Variants in MTUS1 observed in about 807,000 individuals in gnomAD.
The protein encoded by MTUS1 is microtubule associated scaffold protein 1.
A neutral mutation model predicts 120.8 loss-of-function variants in MTUS1; 109 were observed. The observed-to-expected ratio is 0.90, with a 90% confidence interval of 0.77 to 1.06. MTUS1 has a LOEUF of 1.06. MTUS1 is among the 50% of genes least tolerant of loss of function. MTUS1 has a pLI of 0.00. For synonymous variants in MTUS1, 737 were observed against 550.5 expected (o/e 1.34, Z -4.74); for missense variants, 2,210 against 1,486.3 (o/e 1.49, Z -8.01).
At position 17,765,552 on chromosome 8, in the gene MTUS1, C is replaced by G. The variant is rs566702592; in HGVS notation, c.-154-9591G>C. ...GAAGAATCACTTGAACCCAGAGGCA[C>G]AAGTTGCAGTGAGCTGAGATTATGC... On this transcript the variant is annotated intron_variant, in intron 1 of 14. Transcript: ENST00000693296. Among the ~76,000 whole-genome samples, 49 of 145,242 alleles carry G rather than the reference C, an allele frequency of 3.4e-4. No homozygotes were observed. In the Middle Eastern group the frequency reaches 0.011, roughly 33 times the overall value.
chr8:17,782,273 A>C (rs1461985611), intron 1 of MTUS1, among the ~76,000 whole-genome samples: 2 of 152,148 alleles, frequency 1.3e-5, no homozygotes, highest in Non-Finnish European at 2.9e-5. Flanking sequence ...GTCACTTTTC[A>C]AAAAAAGCAC....
chr8:17,727,539 G>A (rs375212088), intron 3 of MTUS1, among the ~76,000 whole-genome samples: 69 of 152,292 alleles, frequency 4.5e-4, no homozygotes, highest in South Asian at 2.1e-3. Context: ...CAACAGTCCC[G>A]ACGTTTAGCT....
rs781301013 is a variant in MTUS1, at chr8:17,645,973, G to T, written c.3766C>A (p.Pro1256Thr). 3.7e-6 allele frequency: 6 copies of T among 1,613,280 alleles called. No individual in the cohort carries two copies. The African/African-American group carries it at 8.0e-5, about 22-fold the overall frequency. The change falls in exon 15 of 15, where the codon CCA (proline) becomes ACA (threonine). Residue 1256 changes from proline (P) to threonine (T), a missense_variant. Coordinates refer to ENST00000693296, the MANE Select transcript of MTUS1 (RefSeq NM_001363059.2). The part of the protein sequence containing the change: ...PTSSAIPLQS[P>T]RNSGSFPSPS... ...CTAGGGAAGGAGCCCGAATTCCTTGGTGACTGCAAAGGGATGGCGGAGGAT... is the reference window on the plus strand; with the variant it reads ...CTAGGGAAGGAGCCCGAATTCCTTGTTGACTGCAAAGGGATGGCGGAGGAT...
Position 17,754,285 on chromosome 8 carries a change from T to C in MTUS1, c.1523A>G (p.Lys508Arg), listed in dbSNP as rs1163794785. Residue 508 changes from lysine to arginine, a missense_variant, in exon 2 of 15, where the codon AAG (lysine) becomes AGG (arginine). Lys to Arg is a conservative substitution (Grantham distance 26). Coordinates refer to ENST00000693296, the MANE Select transcript of MTUS1 (RefSeq NM_001363059.2). ...AGACATAACTTTTGCTTTGACATTC[T>C]TGAAGTTTGGTCTTGGGTAACTTAT... ...EIISYPRPNF[K>R]NVKAKVMSRA... 6.2e-7 allele frequency: 1 copy of C among 1,614,202 alleles called. No individual in the cohort carries two copies. Among genetic ancestry groups the C allele is most frequent in the Non-Finnish European group, 8.5e-7 (1 of 1,180,046 alleles).
chr8:17,667,755 C>T (rs1811202323), intron 8 of MTUS1, among the ~76,000 whole-genome samples: 2 of 152,186 alleles, frequency 1.3e-5, no homozygotes, highest in African/African-American at 4.8e-5. Context: ...ATCTTGGGTT[C>T]TTATGCAAGC....
chr8:17,676,431 C>G (rs768280810), intron 7 of MTUS1: 8 of 675,912 alleles, frequency 1.2e-5, no homozygotes, highest in Admixed American at 2.1e-5. Context: ...ATTCAAAGCT[C>G]TAGCAGGAGG....
intron 1 of MTUS1, among the ~76,000 whole-genome samples, chr8:17,774,342 G>T (rs2050244710): frequency 6.6e-6 from 1 of 152,174 alleles, no homozygotes; most frequent in African/African-American, 2.4e-5. Flanking sequence ...AAACAAAGGT[G>T]TTGCTTTTCC....
intron 6 of MTUS1, among the ~76,000 whole-genome samples, chr8:17,702,965 C>G (rs1016624534): frequency 6.6e-6 from 1 of 152,210 alleles, no homozygotes; most frequent in South Asian, 2.1e-4. Flanking sequence ...ACTTTAATCT[C>G]TTAATCCTGT....
At chr8:17,675,993 T>C (rs746894064) in intron 7 of MTUS1, 22 of 441,458 alleles carry the variant, frequency 5.0e-5, no homozygotes, top group Non-Finnish European at 7.8e-5. Context: ...CTTACACAAA[T>C]ACAGTAATTA....
chr8:17,657,076 A>AT (rs1460285376), intron 8 of MTUS1, among the ~76,000 whole-genome samples: 5 of 150,820 alleles, frequency 3.3e-5, no homozygotes, highest in African/African-American at 1.2e-4. Context: ...AAAAAAAAAA[A>AT]AAAAAGAAAC....
chr8:17,695,069 G>A (rs1817686333), intron 6 of MTUS1, among the ~76,000 whole-genome samples: 1 of 152,098 alleles, frequency 6.6e-6, no homozygotes, highest in Non-Finnish European at 1.5e-5. Context: ...ACCAACCCAA[G>A]TTACTGCTGA....
intron 1 of MTUS1, among the ~76,000 whole-genome samples, chr8:17,769,506 C>T (rs1003335058): frequency 1.3e-5 from 2 of 150,808 alleles, no homozygotes; most frequent in African/African-American, 2.5e-5. Flanking sequence ...CGCCACCACG[C>T]CCAGATAATT....
chr8:17,730,298 A>G (rs1345460106), intron 3 of MTUS1, among the ~76,000 whole-genome samples: 3 of 152,176 alleles, frequency 2.0e-5, no homozygotes, highest in Non-Finnish European at 4.4e-5. Context: ...TCTGGCGAAT[A>G]TGGTGAAACC....
chr8:17,656,515 G>A (rs1808266832), intron 8 of MTUS1, among the ~76,000 whole-genome samples: 1 of 150,076 alleles, frequency 6.7e-6, no homozygotes, highest in Non-Finnish European at 1.5e-5. Context: ...GTGACAGACT[G>A]AGACTCCATC....
chr8:17,678,223 T>C (rs1055727273), intron 7 of MTUS1, among the ~76,000 whole-genome samples: 4 of 152,228 alleles, frequency 2.6e-5, no homozygotes, highest in Non-Finnish European at 5.9e-5. Context: ...TTATGTCCTT[T>C]AGATACTGAT....
chr8:17,745,245 C>T (rs2047654692), intron 2 of MTUS1, among the ~76,000 whole-genome samples: 1 of 152,164 alleles, frequency 6.6e-6, no homozygotes, highest in Non-Finnish European at 1.5e-5. Flanking sequence ...AGTTCCAGGA[C>T]CCTGGCAGAT....
intron 8 of MTUS1, among the ~76,000 whole-genome samples, chr8:17,657,058 CAAAAAA>C (rs1219286349): frequency 1.8e-5 from 1 of 56,724 alleles, no homozygotes; most frequent in South Asian, 8.6e-4. Context: ...GATTCTGTCT[CAAAAAA>C]AAAAAAAAAA....
intron 4 of MTUS1, chr8:17,723,448 C>G (rs1563269280): frequency 1.7e-6 from 1 of 585,118 alleles, no homozygotes; most frequent in South Asian, 1.9e-5. Context: ...AGACGATGCA[C>G]TTTCGAATCC....
chr8:17,676,879 G>A (rs747999217), intron 7 of MTUS1, among the ~76,000 whole-genome samples: 1 of 152,192 alleles, frequency 6.6e-6, no homozygotes, highest in Non-Finnish European at 1.5e-5. Flanking sequence ...GAAATGAGAG[G>A]TGTTTCAAAA....
Sources: gnomAD v4.1 joint callset for allele counts (sites outside exome capture counted in the v4.1 genomes callset) on GRCh38, gnomAD v4.1.1 for gene constraint, MANE v1.5 for transcripts, NCBI Gene and HGNC (gene_info 2026-07-23, HGNC 2026-07-21) for gene names.